SLC24A2: variants seen among roughly 807,000 people sequenced by gnomAD.
The protein encoded by SLC24A2 is sodium/potassium/calcium exchanger 2.
A neutral mutation model predicts 62.0 loss-of-function variants in SLC24A2; 36 were observed. The ratio of observed to expected loss-of-function variants is 0.58; its 90% confidence interval spans 0.44 to 0.77. SLC24A2 has a LOEUF of 0.77. Ranked by LOEUF, SLC24A2 falls within the 30% of genes least tolerant of loss-of-function variation. The pLI, the probability that SLC24A2 is intolerant of heterozygous loss-of-function variation, is 0.00. For missense variants in SLC24A2, 846 were observed against 817.9 expected, an observed-to-expected ratio of 1.03 and a Z score of -0.42; for synonymous variants, 358 against 294.0, an observed-to-expected ratio of 1.22 and a Z score of -2.23.
chr9:19,722,687 T>G (rs1237189921), intron 2 of SLC24A2, among the ~76,000 whole-genome samples: 4 of 151,790 alleles, frequency 2.6e-5, no homozygotes, highest in Non-Finnish European at 5.9e-5. Context: ...ATTCAATCCC[T>G]ATCTTCAAGG....
intron 2 of SLC24A2, among the ~76,000 whole-genome samples, chr9:19,695,573 G>A (rs919107380): frequency 1.3e-5 from 2 of 149,648 alleles, no homozygotes; most frequent in Non-Finnish European, 3.0e-5. Context: ...CTAAACCCAC[G>A]TGAAACCCAG....
At chr9:20,093,367 C>T in the SLC24A2 span, among the ~76,000 whole-genome samples, 6 of 152,030 alleles carry the variant, frequency 3.9e-5, no homozygotes, top group African/African-American at 7.2e-5. Flanking sequence ...CCACCACGCC[C>T]GGCCTATTTT....
intron 2 of SLC24A2, among the ~76,000 whole-genome samples, chr9:19,636,315 T>TTTTCTTTTCTTTTCTTTTTTTTC: frequency 5.0e-5 from 2 of 40,328 alleles, no homozygotes; most frequent in Non-Finnish European, 9.4e-5. Context: ...TTTTCTTTTC[T>TTTTCTTTTCTTTTCTTTTTTTTC]TTTCTTTCTT....
chr9:19,842,468 A>C, the SLC24A2 span, among the ~76,000 whole-genome samples: 4 of 152,204 alleles, frequency 2.6e-5, no homozygotes. Flanking sequence ...ATCAGAGGTT[A>C]TTATATGTTG....
chr9:20,154,475 A>C, the SLC24A2 span, among the ~76,000 whole-genome samples: 8 of 151,816 alleles, frequency 5.3e-5, no homozygotes, highest in African/African-American at 2.4e-5. Flanking sequence ...AAAGAAATGC[A>C]GCGGAGATGG....
the SLC24A2 span, among the ~76,000 whole-genome samples, chr9:19,961,876 A>C: frequency 1.3e-5 from 2 of 152,188 alleles, no homozygotes; most frequent in African/African-American, 4.8e-5. Flanking sequence ...TTGGAAACTG[A>C]TCCTCCAGAC....
At chr9:19,665,134 C>T (rs745599563) in intron 2 of SLC24A2, among the ~76,000 whole-genome samples, 2 of 152,090 alleles carry the variant, frequency 1.3e-5, no homozygotes, top group African/African-American at 4.8e-5. Context: ...TGAGGAAAGC[C>T]GGTGAGAAGC....
At chr9:20,179,263 C>T in the SLC24A2 span, among the ~76,000 whole-genome samples, 1 of 152,122 alleles carries the variant, frequency 6.6e-6, no homozygotes, top group Non-Finnish European at 1.5e-5. Context: ...CAGTACAGAA[C>T]CATGGGATGT....
chr9:19,876,525 T>G, the SLC24A2 span, among the ~76,000 whole-genome samples: 3 of 152,092 alleles, frequency 2.0e-5, no homozygotes, highest in Non-Finnish European at 4.4e-5. Flanking sequence ...CAGCAGCAAA[T>G]TGTGTAGTTA....
At chr9:20,083,444 TG>T in the SLC24A2 span, among the ~76,000 whole-genome samples, 26 of 152,332 alleles carry the variant, frequency 1.7e-4, no homozygotes, top group Admixed American at 1.0e-3. Context: ...TGAGGCAGAA[TG>T]CCACAAACTG....
At chr9:19,680,525 C>T (rs1000946109) in intron 2 of SLC24A2, among the ~76,000 whole-genome samples, 4 of 123,370 alleles carry the variant, frequency 3.2e-5, no homozygotes, top group African/African-American at 9.9e-5. Context: ...GTACAACTTT[C>T]GCTCATTAAA....
the SLC24A2 span, among the ~76,000 whole-genome samples, chr9:19,819,280 T>C: frequency 6.6e-6 from 1 of 152,248 alleles, no homozygotes; most frequent in East Asian, 1.9e-4. Flanking sequence ...CTCCTAGACA[T>C]TGGCTTAGGC....
At chr9:19,615,230 A>G (rs1587040899) in intron 4 of SLC24A2, among the ~76,000 whole-genome samples, 1 of 152,228 alleles carries the variant, frequency 6.6e-6, no homozygotes, top group African/African-American at 2.4e-5. Context: ...ATGAATTTGA[A>G]TAGTTCCCTT....
In SLC24A2 at chr9:19,550,179, T is replaced by C; in HGVS notation, c.1437A>G (p.Ile479Met). The change falls in exon 8 of 11, where the codon ATA becomes ATG. Residue 479 changes from isoleucine to methionine, a missense_variant. Transcript: ENST00000341998. ...GTAACGTAATCCAGAGAGGAAACAC[T>C]ATGGGGAAAACAATCAGAAACGTGA... ...KQVTFLIVFPIVFPLWITLPD... is the reference protein window; with the variant it reads ...KQVTFLIVFPMVFPLWITLPD... 3 of 1,614,060 alleles carry C rather than the reference T, an allele frequency of 1.9e-6. No homozygotes were observed. In the East Asian group the frequency reaches 6.7e-5, roughly 36 times the overall value.
chr9:19,693,529 A>T (rs1181814548), intron 2 of SLC24A2, among the ~76,000 whole-genome samples: 1 of 152,178 alleles, frequency 6.6e-6, no homozygotes, highest in Non-Finnish European at 1.5e-5. Context: ...CATTGCCTTT[A>T]TATACCTAAA....
chr9:19,577,174 G>T, intron 5 of SLC24A2, 152 bp from the exon 6 acceptor site: 1 of 714,382 alleles, frequency 1.4e-6, no homozygotes, highest in South Asian at 1.5e-5. Context: ...TTCCTGAAGG[G>T]TACTTTCTTG....
In SLC24A2 at chr9:19,516,207, C is replaced by G. The variant is rs1260483592; in HGVS notation, c.1932G>C (p.Leu644=). Residue 644 remains leucine, a synonymous_variant, in exon 11 of 11, where the codon CTG becomes CTC. Transcript: ENST00000341998. Reference sequence around the variant, plus strand: ...TGTCTTCTAGGAGAACGCTCACCACCAGGAACACAAAGTAGAGGCCAAACA... The same window carrying G: ...TGTCTTCTAGGAGAACGCTCACCACGAGGAACACAAAGTAGAGGCCAAACA... ...FIMFGLYFVF[L]VVSVLLEDRI... 1 of 1,614,146 alleles carries G rather than the reference C, an allele frequency of 6.2e-7. No homozygotes were observed. The highest frequency in any genetic ancestry group is 8.5e-7 in the Non-Finnish European group (1 of 1,180,036).
the SLC24A2 span, among the ~76,000 whole-genome samples, chr9:20,279,709 A>G: frequency 6.6e-6 from 1 of 152,306 alleles, no homozygotes; most frequent in East Asian, 1.9e-4. Context: ...TGTCTTGTGT[A>G]AAGCATAATT....
intron 2 of SLC24A2, among the ~76,000 whole-genome samples, chr9:19,755,456 T>C (rs1287177593): frequency 6.6e-6 from 1 of 152,190 alleles, no homozygotes; most frequent in South Asian, 2.1e-4. Flanking sequence ...AAAAAAATAA[T>C]TGAAACTTAT....
Sources: gnomAD v4.1 joint callset for allele counts (sites outside exome capture counted in the v4.1 genomes callset) on GRCh38, gnomAD v4.1.1 for gene constraint, MANE v1.5 for transcripts, NCBI Gene and HGNC (gene_info 2026-07-23, HGNC 2026-07-21) for gene names.